EPHB2: variants seen among roughly 807,000 people sequenced by gnomAD.
The protein encoded by EPHB2 is EPH receptor B2, also known as ephrin type-B receptor 2.
EPHB2 carries 18 observed loss-of-function variants against 96.4 expected under a neutral mutation model. That is an observed-to-expected ratio of 0.19 (90% CI 0.13 to 0.28). The LOEUF is 0.28. Ranked by LOEUF, EPHB2 falls within the 10% of genes least tolerant of loss-of-function variation. The probability of loss-of-function intolerance (pLI) is 1.00; values close to 1 mark genes in which losing one functional copy is unlikely to be tolerated. For missense variants in EPHB2, 989 were observed against 1,355.4 expected, an observed-to-expected ratio of 0.73 and a Z score of 4.25; for synonymous variants, 506 against 534.1, an observed-to-expected ratio of 0.95 and a Z score of 0.72.
chr1:22,736,779 C>A (rs1287016920), intron 1 of EPHB2, among the ~76,000 whole-genome samples: 1 of 152,190 alleles, frequency 6.6e-6, no homozygotes, highest in Non-Finnish European at 1.5e-5. Context: ...TCCCAGCGCA[C>A]TGTGGGGCGG....
At chr1:22,814,895 C>T (rs2148466132) in intron 3 of EPHB2, among the ~76,000 whole-genome samples, 1 of 152,318 alleles carries the variant, frequency 6.6e-6, no homozygotes, top group South Asian at 2.1e-4. Context: ...ACATTTGCGC[C>T]TTTATGAGTG....
At chr1:22,741,476 G>A (rs1643901805) in intron 1 of EPHB2, among the ~76,000 whole-genome samples, 1 of 151,994 alleles carries the variant, frequency 6.6e-6, no homozygotes, top group African/African-American at 2.4e-5. Flanking sequence ...AGGGTTCCCT[G>A]CAGATTACCT....
Position 22,919,369 on chromosome 1 carries a change from C to T in EPHB2, c.*5799C>T, listed in dbSNP as rs1005434409. On this transcript the variant is annotated 3_prime_UTR_variant, in exon 16 of 16. Transcript: ENST00000374630. ...GGAAAATTAGAAAGACCCTCAGACC[C>T]AGAGTCTGTCTGAGTTTAGCTTCGC... 1.3e-5 allele frequency: 2 copies of T among 152,228 alleles called. No individual in the cohort carries two copies. The highest frequency in any genetic ancestry group is 6.5e-5 in the Admixed American group (1 of 15,282). 9.4% of individuals were successfully genotyped at this position (152,228 alleles called of 1,614,324 possible).
rs564884076 is a variant in EPHB2 at position 22,769,575 on chromosome 1, T to C, written c.62-11846T>C. Among the ~76,000 whole-genome samples the C allele has an allele frequency of 3.9e-5, 6 of 152,100 alleles. No individual in the cohort carries two copies. The East Asian group carries it at 1.2e-3, about 29-fold the overall frequency. ...GACATGCACCACCACACCCAGCTAA[T>C]TTTTGTATTTTTAGTAGGGACAGGG... On this transcript the variant is annotated intron_variant, in intron 1 of 15. Transcript: ENST00000374630.
In EPHB2 at chr1:22,749,733, A is replaced by G. The variant is rs547968893; in HGVS notation, c.62-31688A>G. ...GTCTACCGGAGCCATTCATTCATTCATTCGTTCATTCATTCACTCACTCAG... is the reference window on the plus strand; with the variant it reads ...GTCTACCGGAGCCATTCATTCATTCGTTCGTTCATTCATTCACTCACTCAG... On this transcript the variant is annotated intron_variant, in intron 1 of 15. Transcript: ENST00000374630. 1.0e-3 allele frequency among the ~76,000 whole-genome samples: 154 copies of G among 152,190 alleles called. 1 individual carries two copies. Among genetic ancestry groups the G allele is most frequent in the African/African-American group, 3.4e-3 (143 of 41,530 alleles).
intron 3 of EPHB2, among the ~76,000 whole-genome samples, chr1:22,786,498 G>A (rs1422419844): frequency 1.3e-5 from 2 of 152,214 alleles, no homozygotes; most frequent in Admixed American, 1.3e-4. Context: ...GGATACTTTA[G>A]CCTGGGGGTG....
At chr1:22,800,914 T>G (rs981914046) in intron 3 of EPHB2, among the ~76,000 whole-genome samples, 4 of 152,164 alleles carry the variant, frequency 2.6e-5, no homozygotes, top group Non-Finnish European at 5.9e-5. Flanking sequence ...GTGGTTCCAG[T>G]GTTCTTAAAG....
chr1:22,715,562 G>A (rs1643271822), intron 1 of EPHB2, among the ~76,000 whole-genome samples: 1 of 152,202 alleles, frequency 6.6e-6, no homozygotes, highest in South Asian at 2.1e-4. Context: ...ATTTTTAAAG[G>A]AGGCTGCTTT....
chr1:22,802,608 AG>A (rs1475532345), intron 3 of EPHB2, among the ~76,000 whole-genome samples: 1 of 152,034 alleles, frequency 6.6e-6, no homozygotes, highest in Non-Finnish European at 1.5e-5. Context: ...CGAGGACACA[AG>A]GGTAGTCCGT....
In EPHB2 at chr1:22,798,654, G is replaced by C. The variant is rs933699172; in HGVS notation, c.811+13578G>C. The stretch of plus-strand genomic sequence containing the variant: ...GCAGACCCGGAATTGGAAGTTGCCA[G>C]GGGGAGCCTTGCACAGAGAGAGCTC... On this transcript the variant is annotated intron_variant, in intron 3 of 15. Transcript: ENST00000374630. 2.0e-5 allele frequency among the ~76,000 whole-genome samples: 3 copies of C among 152,066 alleles called. No individual in the cohort carries two copies. In the South Asian group the frequency reaches 6.2e-4, roughly 32 times the overall value.
intron 6 of EPHB2, among the ~76,000 whole-genome samples, chr1:22,888,957 C>A (rs1281712635): frequency 6.6e-6 from 1 of 152,108 alleles, no homozygotes; most frequent in Non-Finnish European, 1.5e-5. Flanking sequence ...GAGCTCCAGA[C>A]CAGCCTGGGT....
Position 22,753,843 on chromosome 1 carries a change from C to T in EPHB2, c.62-27578C>T, listed in dbSNP as rs369779037. Among the ~76,000 whole-genome samples, 17 of 152,338 alleles carry T rather than the reference C, an allele frequency of 1.1e-4. 1 individual carries two copies. The highest frequency in any genetic ancestry group is 2.4e-4 in the African/African-American group (10 of 41,574). On this transcript the variant is annotated intron_variant, in intron 1 of 15. Transcript: ENST00000374630. The stretch of plus-strand genomic sequence containing the variant: ...CTGGACCCATTTATATCCTCCGCCT[C>T]TCCAGCTTCTCGGCGTAATGAGCTC...
chr1:22,780,419 C>T (rs941480578), intron 1 of EPHB2, among the ~76,000 whole-genome samples: 12 of 152,192 alleles, frequency 7.9e-5, no homozygotes, highest in African/African-American at 2.9e-4. Context: ...GCTCTCAACA[C>T]TTCTCCACTC....
chr1:22,795,046 G>A (rs76217271), intron 3 of EPHB2, among the ~76,000 whole-genome samples: 18,314 of 152,232 alleles, frequency 0.12, 1,214 homozygotes, highest in Admixed American at 0.15. Context: ...AGCTGGCACA[G>A]GCCCCACTGG....
Position 22,719,246 on chromosome 1 carries a change from G to A in EPHB2, c.61+8203G>A, listed in dbSNP as rs550999597. Among the ~76,000 whole-genome samples the A allele has an allele frequency of 3.9e-5, 6 of 152,176 alleles. No individual in the cohort carries two copies. The South Asian group carries it at 1.0e-3, about 26-fold the overall frequency. ...ATCCTGAAAGGGGCAGGAGCCACGG[G>A]GCCCACTTTAGAGATGAGGAAACTG... On this transcript the variant is annotated intron_variant, in intron 1 of 15. Transcript: ENST00000374630.
At chr1:22,806,933 G>A (rs1644935837) in intron 3 of EPHB2, among the ~76,000 whole-genome samples, 1 of 151,968 alleles carries the variant, frequency 6.6e-6, no homozygotes, top group African/African-American at 2.4e-5. Context: ...ACACACAGAG[G>A]TGCCTTTATT....
chr1:22,775,114 C>T, intron 1 of EPHB2: 1 of 758,930 alleles, frequency 1.3e-6, no homozygotes, highest in African/African-American at 1.7e-5. Context: ...CACACACAAG[C>T]CCTGATGACT....
At position 22,864,972 on chromosome 1, in the gene EPHB2, G is replaced by A; in HGVS notation, c.1063G>A (p.Asp355Asn). 1 of 1,607,624 alleles carries A rather than the reference G, an allele frequency of 6.2e-7. No individual in the cohort carries two copies. The highest frequency in any genetic ancestry group is 8.5e-7 in the Non-Finnish European group (1 of 1,175,750). ...TCCCCGCGACTCCGGAGGCCGAGAG[G>A]ACCTCGTCTACAACATCATCTGCAA... ...TPPRDSGGRE[D>N]LVYNIICKSC... is the part of the protein sequence containing the mutation. Residue 355 changes from aspartate to asparagine, a missense_variant, in exon 5 of 16, where the codon GAC becomes AAC. Asp to Asn is a conservative substitution (Grantham distance 23). Transcript: ENST00000374630.
At chr1:22,801,937 G>C (rs535955873) in intron 3 of EPHB2, among the ~76,000 whole-genome samples, 4 of 152,224 alleles carry the variant, frequency 2.6e-5, no homozygotes, top group African/African-American at 9.6e-5. Flanking sequence ...TGACAGCCGC[G>C]CCGAATCCCG....
Sources: allele counts gnomAD v4.1 joint callset (sites outside exome capture counted in the v4.1 genomes callset), GRCh38; gene constraint gnomAD v4.1.1; transcripts MANE v1.5; gene names NCBI Gene and HGNC (gene_info 2026-07-23, HGNC 2026-07-21).